ARHGAP15: variants seen among roughly 807,000 people sequenced by gnomAD.
ARHGAP15 encodes the protein rho GTPase-activating protein 15.
In ARHGAP15, 51 loss-of-function variants were observed where a neutral mutation model predicts 63.7. That is an observed-to-expected ratio of 0.80 (90% CI 0.64 to 1.01). The LOEUF is 1.01. Among genes scored for constraint, ARHGAP15 ranks in the 50% least tolerant of loss-of-function variants. The probability of loss-of-function intolerance (pLI) is 0.00; values close to 1 mark genes in which losing one functional copy is unlikely to be tolerated. For missense variants in ARHGAP15, 560 were observed against 564.6 expected (o/e 0.99, Z 0.08); for synonymous variants, 191 against 193.8 (o/e 0.99, Z 0.12).
At chr2:143,483,363 T>C (rs74677656) in intron 8 of ARHGAP15, among the ~76,000 whole-genome samples, 11,281 of 152,292 alleles carry the variant, frequency 0.074, 636 homozygotes, top group East Asian at 0.22. Flanking sequence ...GCATCGTTTT[T>C]ACTAGTTCCA....
At chr2:143,296,443 A>T (rs1167088863) in intron 6 of ARHGAP15, among the ~76,000 whole-genome samples, 2 of 152,004 alleles carry the variant, frequency 1.3e-5, no homozygotes, top group Non-Finnish European at 2.9e-5. Flanking sequence ...GTAGTTTTTC[A>T]ATGTAATAGC....
intron 2 of ARHGAP15, among the ~76,000 whole-genome samples, chr2:143,185,510 G>T (rs1018120494): frequency 6.6e-6 from 1 of 152,116 alleles, no homozygotes; most frequent in Non-Finnish European, 1.5e-5. Flanking sequence ...TCCCCTAGGA[G>T]TGCTACCCCA....
At chr2:143,243,341 C>G (rs1693934757) in intron 5 of ARHGAP15, among the ~76,000 whole-genome samples, 1 of 151,978 alleles carries the variant, frequency 6.6e-6, no homozygotes. Context: ...TGCAAGAGAC[C>G]TAGGGTCAAT....
chr2:143,235,592 A>G (rs567515995), intron 5 of ARHGAP15, among the ~76,000 whole-genome samples: 4 of 152,196 alleles, frequency 2.6e-5, no homozygotes, highest in Non-Finnish European at 5.9e-5. Flanking sequence ...GTTTTAACAA[A>G]CATATACTGA....
At chr2:143,547,685 C>CTT (rs11296686) in intron 10 of ARHGAP15, among the ~76,000 whole-genome samples, 4 of 142,868 alleles carry the variant, frequency 2.8e-5, no homozygotes, top group African/African-American at 7.7e-5. Flanking sequence ...GGAGGGATGA[C>CTT]TTTTTTTTTT....
At chr2:143,387,442 C>T (rs1456931508) in intron 6 of ARHGAP15, among the ~76,000 whole-genome samples, 1 of 152,108 alleles carries the variant, frequency 6.6e-6, no homozygotes, top group Non-Finnish European at 1.5e-5. Context: ...AGATTAGCTG[C>T]CAATAATACT....
chr2:143,719,987 A>T (rs1684976156), intron 13 of ARHGAP15, among the ~76,000 whole-genome samples: 1 of 152,196 alleles, frequency 6.6e-6, no homozygotes, highest in South Asian at 2.1e-4. Flanking sequence ...AGATAAGGTT[A>T]GAAGCAGGTG....
chr2:143,195,387 T>C (rs1240400856), intron 2 of ARHGAP15, among the ~76,000 whole-genome samples: 1 of 152,148 alleles, frequency 6.6e-6, no homozygotes, highest in Non-Finnish European at 1.5e-5. Context: ...TGGCTCCCAC[T>C]AGGATTATGA....
At chr2:143,452,882 A>C (rs1251829528) in intron 8 of ARHGAP15, among the ~76,000 whole-genome samples, 1 of 151,972 alleles carries the variant, frequency 6.6e-6, no homozygotes, top group Non-Finnish European at 1.5e-5. Context: ...AAATAAGCAT[A>C]AGCTTTCCCA....
chr2:143,343,499 A>G (rs868543648), intron 6 of ARHGAP15, among the ~76,000 whole-genome samples: 2 of 152,114 alleles, frequency 1.3e-5, no homozygotes, highest in African/African-American at 4.8e-5. Flanking sequence ...GCAATGAGAA[A>G]TCTTTGAAGG....
chr2:143,405,039 C>T (rs746002240), intron 6 of ARHGAP15, among the ~76,000 whole-genome samples: 30 of 151,796 alleles, frequency 2.0e-4, no homozygotes, highest in Non-Finnish European at 2.9e-4. Context: ...TCTCTCTTTG[C>T]AGTGATTCCA....
chr2:143,143,141 G>A (rs1689437913), intron 1 of ARHGAP15, among the ~76,000 whole-genome samples: 1 of 151,982 alleles, frequency 6.6e-6, no homozygotes, highest in Non-Finnish European at 1.5e-5. Context: ...CTCTCACCTT[G>A]AGGGGAGAAG....
intron 11 of ARHGAP15, among the ~76,000 whole-genome samples, chr2:143,592,676 A>G (rs1697367038): frequency 1.3e-5 from 2 of 152,226 alleles, no homozygotes; most frequent in Non-Finnish European, 2.9e-5. Context: ...TATGCCAAGA[A>G]GAGAAGACTT....
intron 6 of ARHGAP15, among the ~76,000 whole-genome samples, chr2:143,420,816 A>G (rs1424733718): frequency 6.6e-6 from 1 of 152,182 alleles, no homozygotes; most frequent in African/African-American, 2.4e-5. Flanking sequence ...TGTGTCCTAC[A>G]AGGCTCTTGG....
intron 13 of ARHGAP15, among the ~76,000 whole-genome samples, chr2:143,762,192 G>A (rs1686784453): frequency 6.6e-6 from 1 of 152,088 alleles, no homozygotes; most frequent in Non-Finnish European, 1.5e-5. Flanking sequence ...AATTAATGAT[G>A]AGTCAACATA....
chr2:143,224,325 C>T (rs558116090), intron 4 of ARHGAP15, among the ~76,000 whole-genome samples: 9 of 152,124 alleles, frequency 5.9e-5, no homozygotes, highest in Non-Finnish European at 1.2e-4. Flanking sequence ...TTGTTAATGA[C>T]GAACAGCAAA....
chr2:143,384,565 T>TAA (rs11309282), intron 6 of ARHGAP15, among the ~76,000 whole-genome samples: 3 of 149,362 alleles, frequency 2.0e-5, no homozygotes, highest in South Asian at 2.1e-4. Context: ...GTTTTAGAGT[T>TAA]AAAAAAAAAA....
At chr2:143,598,513 GTAGCCACCCAATAGGGC>G (rs1178282658) in intron 11 of ARHGAP15, among the ~76,000 whole-genome samples, 2 of 152,232 alleles carry the variant, frequency 1.3e-5, no homozygotes, top group East Asian at 1.9e-4. Flanking sequence ...CTGGCTTGGG[GTAGCCACCCAATAGGGC>G]TAGCCACCCA....
At chr2:143,478,062 A>G (rs191932142) in intron 8 of ARHGAP15, among the ~76,000 whole-genome samples, 6 of 152,292 alleles carry the variant, frequency 3.9e-5, no homozygotes, top group African/African-American at 7.2e-5. Context: ...GGAACCCCCA[A>G]TTCCCACCTA....
Sources: gnomAD v4.1 joint callset for allele counts (sites outside exome capture counted in the v4.1 genomes callset) on GRCh38, gnomAD v4.1.1 for gene constraint, MANE v1.5 for transcripts, NCBI Gene and HGNC (gene_info 2026-07-23, HGNC 2026-07-21) for gene names.